Variants in CARMIL1 observed in about 807,000 individuals in gnomAD.
CARMIL1 encodes F-actin-uncapping protein LRRC16A.
In CARMIL1, 90 loss-of-function variants were observed where a neutral mutation model predicts 177.1. The observed-to-expected ratio is 0.51, with a 90% CI of 0.43 to 0.61. The LOEUF (loss-of-function observed/expected upper bound fraction) is 0.61, where lower values mean the gene tolerates loss of function less well. Among genes scored for constraint, CARMIL1 ranks in the 20% least tolerant of loss-of-function variants. The pLI is 0.00. For synonymous variants in CARMIL1, 577 were observed against 606.2 expected (o/e 0.95, Z 0.71); for missense variants, 1,380 against 1,667.0 (o/e 0.83, Z 3.00).
intron 29 of CARMIL1, among the ~76,000 whole-genome samples, chr6:25,566,956 T>C (rs1318041711): frequency 6.6e-6 from 1 of 152,252 alleles, no homozygotes; most frequent in Non-Finnish European, 1.5e-5. Flanking sequence ...GTCAGCAAGT[T>C]GCTGAGGAGA....
intron 5 of CARMIL1, among the ~76,000 whole-genome samples, chr6:25,440,864 T>C (rs1460513340): frequency 6.6e-5 from 10 of 152,200 alleles, no homozygotes; most frequent in South Asian, 2.1e-4. Context: ...CCTCATCTCC[T>C]TCCTTGCTTA....
intron 2 of CARMIL1, among the ~76,000 whole-genome samples, chr6:25,407,001 CA>C (rs1794435151): frequency 6.6e-6 from 1 of 152,052 alleles, no homozygotes; most frequent in Non-Finnish European, 1.5e-5. Context: ...ACGAGAACAT[CA>C]AGCATGAAGG....
chr6:25,464,314 A>T (rs1800406333), intron 8 of CARMIL1, among the ~76,000 whole-genome samples: 1 of 151,956 alleles, frequency 6.6e-6, no homozygotes, highest in South Asian at 2.1e-4. Flanking sequence ...GAAACTGCAC[A>T]CATGTGGTGC....
intron 35 of CARMIL1, among the ~76,000 whole-genome samples, chr6:25,609,293 C>T (rs899976225): frequency 1.3e-5 from 2 of 151,916 alleles, no homozygotes; most frequent in African/African-American, 4.8e-5. Flanking sequence ...AGTGAAACCC[C>T]GTCTCTACTA....
intron 29 of CARMIL1, among the ~76,000 whole-genome samples, chr6:25,573,203 C>T (rs1388503268): frequency 6.6e-6 from 1 of 152,106 alleles, no homozygotes; most frequent in Non-Finnish European, 1.5e-5. Flanking sequence ...TAGGCATTCC[C>T]CTATGTCACC....
chr6:25,435,659 G>T, intron 5 of CARMIL1, 55 bp downstream of exon 5: 1 of 1,509,660 alleles, frequency 6.6e-7, no homozygotes, highest in Non-Finnish European at 8.9e-7. Context: ...TCCTCAAAAC[G>T]GCAAATACAA....
rs183422690 is a variant in CARMIL1 at position 25,513,876 on chromosome 6, G to A, written c.1633-1799G>A. Among the ~76,000 whole-genome samples, 6 of 152,222 alleles carry A rather than the reference G, an allele frequency of 3.9e-5. No individual in the cohort carries two copies. The East Asian group carries it at 1.2e-3, about 29-fold the overall frequency. On this transcript the variant is annotated intron_variant, in intron 20 of 36. Coordinates refer to ENST00000329474, the MANE Select transcript of CARMIL1 (RefSeq NM_017640.6). ...CCATATAATTTGTTTAGTGTGGCTA[G>A]GACAATATAGAGGACCCCAAGCAAC...
intron 23 of CARMIL1, 144 bp from the exon 24 acceptor site, chr6:25,528,651 A>G (rs1807402927): frequency 4.5e-6 from 3 of 668,980 alleles, no homozygotes; most frequent in Non-Finnish European, 8.1e-6. Context: ...TCTCCATCCC[A>G]TGTGTTTTGT....
chr6:25,539,781 G>T (rs1165942419), intron 25 of CARMIL1, among the ~76,000 whole-genome samples, 166 bp from the exon 26 acceptor site: 1 of 152,100 alleles, frequency 6.6e-6, no homozygotes, highest in African/African-American at 2.4e-5. Flanking sequence ...GAATAAAAAG[G>T]AATGCCCATA....
intron 2 of CARMIL1, among the ~76,000 whole-genome samples, chr6:25,332,465 G>A (rs1785728091): frequency 6.6e-6 from 1 of 152,076 alleles, no homozygotes; most frequent in South Asian, 2.1e-4. Context: ...TATTTTTAAG[G>A]TAGAAGCAAG....
At chr6:25,503,919 C>T (rs73734019) in intron 17 of CARMIL1, among the ~76,000 whole-genome samples, 180 of 151,734 alleles carry the variant, frequency 1.2e-3, no homozygotes, top group African/African-American at 4.0e-3. Flanking sequence ...CGTGGGTTGG[C>T]GGGGGTGGTG....
intron 2 of CARMIL1, among the ~76,000 whole-genome samples, chr6:25,413,701 G>T (rs1415197415): frequency 1.3e-5 from 2 of 152,184 alleles, no homozygotes; most frequent in African/African-American, 4.8e-5. Flanking sequence ...TGCATGTTAA[G>T]GCTGCAGTGG....
At chr6:25,333,737 A>T (rs1785928738) in intron 2 of CARMIL1, among the ~76,000 whole-genome samples, 1 of 148,120 alleles carries the variant, frequency 6.8e-6, no homozygotes, top group African/African-American at 2.5e-5. Context: ...ACAGGTTGTC[A>T]TTTTTTTGTA....
intron 32 of CARMIL1, among the ~76,000 whole-genome samples, chr6:25,597,888 TC>T (rs1815004123): frequency 6.6e-6 from 1 of 152,232 alleles, no homozygotes; most frequent in Non-Finnish European, 1.5e-5. Context: ...TGTAGGTTGC[TC>T]TTCATTGTAC....
rs1022682808 is a variant in CARMIL1, at chr6:25,544,157, T to C, written c.2328+4079T>C. Among the ~76,000 whole-genome samples, 9 of 152,068 alleles carry C rather than the reference T, an allele frequency of 5.9e-5. No homozygotes were observed. The South Asian group carries it at 8.3e-4, about 14-fold the overall frequency. On this transcript the variant is annotated intron_variant, in intron 26 of 36. Coordinates refer to ENST00000329474, the MANE Select transcript of CARMIL1 (RefSeq NM_017640.6). ...TTTAGCATAAACCTAATTTAGATTT[T>C]CCCCCAAAAAGAAAACAGAGACTAG... is the stretch of plus-strand genomic sequence containing the variant.
At chr6:25,332,856 C>T (rs1022648597) in intron 2 of CARMIL1, among the ~76,000 whole-genome samples, 6 of 152,134 alleles carry the variant, frequency 3.9e-5, no homozygotes, top group Admixed American at 6.5e-5. Context: ...TCAGCTTCTT[C>T]AGCCACAAAA....
intron 2 of CARMIL1, among the ~76,000 whole-genome samples, chr6:25,384,117 G>A (rs113422523): frequency 0.12 from 18,683 of 152,256 alleles, 1,301 homozygotes; most frequent in Non-Finnish European, 0.15. Context: ...GGGATTACAG[G>A]CGTGAGCCAC....
chr6:25,593,027 G>A (rs1158770761), intron 31 of CARMIL1, among the ~76,000 whole-genome samples: 3 of 152,146 alleles, frequency 2.0e-5, no homozygotes, highest in East Asian at 3.9e-4. Context: ...CATAAGATCG[G>A]AGTTTTTGGC....
chr6:25,401,714 T>G (rs935041567), intron 2 of CARMIL1, among the ~76,000 whole-genome samples: 6 of 152,216 alleles, frequency 3.9e-5, no homozygotes, highest in African/African-American at 1.2e-4. Flanking sequence ...TGTTGCCCTG[T>G]CATTTGAATC....
Sources: allele counts gnomAD v4.1 joint callset (sites outside exome capture counted in the v4.1 genomes callset), GRCh38; gene constraint gnomAD v4.1.1; transcripts MANE v1.5; gene names NCBI Gene and HGNC (gene_info 2026-07-23, HGNC 2026-07-21).